Variants in SPAG16 observed in about 807,000 individuals in gnomAD.
SPAG16 encodes sperm associated antigen 16, also known as sperm-associated antigen 16 protein.
In SPAG16, 86 loss-of-function variants were observed where a neutral mutation model predicts 80.4. The observed-to-expected ratio is 1.07, with a 90% CI of 0.90 to 1.28. The LOEUF (loss-of-function observed/expected upper bound fraction) is 1.28, where lower values mean the gene tolerates loss of function less well. Among genes scored for constraint, SPAG16 ranks in the 50% most tolerant of loss-of-function variants. SPAG16 has a pLI of 0.00. For missense variants in SPAG16, 870 were observed against 765.3 expected (o/e 1.14, Z -1.61); for synonymous variants, 294 against 265.9 (o/e 1.11, Z -1.03).
chr2:213,572,486 A>C (rs1258871691), intron 10 of SPAG16, among the ~76,000 whole-genome samples: 1 of 149,876 alleles, frequency 6.7e-6, no homozygotes, highest in Admixed American at 6.7e-5. Flanking sequence ...GGTCTGTTGG[A>C]GTACCCTGCC....
intron 13 of SPAG16, among the ~76,000 whole-genome samples, chr2:214,044,977 G>A (rs1340573961): frequency 6.6e-6 from 1 of 152,142 alleles, no homozygotes; most frequent in Non-Finnish European, 1.5e-5. Context: ...CAGGACTGCA[G>A]CACCTAGGCA....
At chr2:213,292,695 C>CAAG (rs2062341430) in intron 1 of SPAG16, among the ~76,000 whole-genome samples, 1 of 135,976 alleles carries the variant, frequency 7.4e-6, no homozygotes, top group Admixed American at 7.0e-5. Context: ...CAAAAAAAAA[C>CAAG]AAAACTATCA....
chr2:213,481,970 G>C (rs1223212169), intron 9 of SPAG16, among the ~76,000 whole-genome samples: 1 of 152,198 alleles, frequency 6.6e-6, no homozygotes, highest in Non-Finnish European at 1.5e-5. Flanking sequence ...ATTACAGACA[G>C]TAATAGGATA....
chr2:213,528,569 AC>A (rs2075966020), intron 10 of SPAG16, among the ~76,000 whole-genome samples: 2 of 152,206 alleles, frequency 1.3e-5, no homozygotes, highest in South Asian at 4.1e-4. Context: ...TACGTGTAAA[AC>A]CAGAAGTGAC....
intron 15 of SPAG16, among the ~76,000 whole-genome samples, chr2:214,172,235 T>C (rs2056895341): frequency 6.6e-6 from 1 of 151,978 alleles, no homozygotes; most frequent in Non-Finnish European, 1.5e-5. Context: ...CCTAATGCTA[T>C]CCCTCCCCAC....
At chr2:213,858,555 A>G (rs190290110) in intron 10 of SPAG16, among the ~76,000 whole-genome samples, 63 of 152,334 alleles carry the variant, frequency 4.1e-4, no homozygotes, top group Middle Eastern at 3.4e-3. Context: ...CAAAAAGTTT[A>G]TATGATTTGC....
intron 10 of SPAG16, among the ~76,000 whole-genome samples, chr2:213,499,210 C>T (rs2074631110): frequency 6.6e-6 from 1 of 152,038 alleles, no homozygotes; most frequent in South Asian, 2.1e-4. Flanking sequence ...CTGTTACCTC[C>T]TTTTTCCACT....
intron 10 of SPAG16, among the ~76,000 whole-genome samples, chr2:213,744,108 C>A (rs1053905341): frequency 1.9e-4 from 29 of 152,190 alleles, no homozygotes; most frequent in Admixed American, 1.8e-3. Context: ...CCTCCCAGAG[C>A]ACTCCCTATA....
At chr2:213,408,072 G>A (rs887232824) in intron 9 of SPAG16, among the ~76,000 whole-genome samples, 2 of 151,410 alleles carry the variant, frequency 1.3e-5, no homozygotes, top group African/African-American at 4.9e-5. Context: ...AGAGGCAGGA[G>A]AGAGAGAAAG....
intron 5 of SPAG16, among the ~76,000 whole-genome samples, chr2:213,339,289 G>A (rs1171650356): frequency 6.6e-6 from 1 of 152,176 alleles, no homozygotes; most frequent in African/African-American, 2.4e-5. Flanking sequence ...TTGTGACCCA[G>A]AGAAGTAGAT....
At chr2:213,477,811 G>A (rs1291490128) in intron 9 of SPAG16, among the ~76,000 whole-genome samples, 2 of 152,162 alleles carry the variant, frequency 1.3e-5, no homozygotes, top group African/African-American at 2.4e-5. Flanking sequence ...CTGTGGGAAG[G>A]TATCATTGGT....
chr2:214,360,775 C>T (rs1464346620), intron 15 of SPAG16, among the ~76,000 whole-genome samples: 1 of 151,724 alleles, frequency 6.6e-6, no homozygotes, highest in Non-Finnish European at 1.5e-5. Flanking sequence ...TAGCTGGAGG[C>T]AAGGCTTACA....
At chr2:213,303,134 A>G (rs1445165844) in intron 3 of SPAG16, among the ~76,000 whole-genome samples, 1 of 152,084 alleles carries the variant, frequency 6.6e-6, no homozygotes, top group Non-Finnish European at 1.5e-5. Context: ...CACACTGCAA[A>G]GACTTGAAGG....
intron 14 of SPAG16, among the ~76,000 whole-genome samples, chr2:214,122,229 T>C (rs1473571676): frequency 2.6e-5 from 4 of 151,834 alleles, no homozygotes; most frequent in Non-Finnish European, 5.9e-5. Context: ...TGTAACTGTA[T>C]GAAACCTGAG....
At chr2:213,443,224 A>T (rs915583172) in intron 9 of SPAG16, among the ~76,000 whole-genome samples, 2 of 152,152 alleles carry the variant, frequency 1.3e-5, no homozygotes, top group African/African-American at 2.4e-5. Context: ...AATATTATTG[A>T]TTATAGTCCT....
chr2:213,857,033 C>T (rs151310135), intron 10 of SPAG16, among the ~76,000 whole-genome samples: 2 of 152,094 alleles, frequency 1.3e-5, no homozygotes, highest in Non-Finnish European at 2.9e-5. Flanking sequence ...AATTAGAGAC[C>T]AGCCTGGCCA....
chr2:214,246,800 A>G (rs1689881028), intron 15 of SPAG16, among the ~76,000 whole-genome samples: 1 of 152,194 alleles, frequency 6.6e-6, no homozygotes, highest in Non-Finnish European at 1.5e-5. Flanking sequence ...AGATATTTTT[A>G]ATGCAGTATA....
intron 15 of SPAG16, among the ~76,000 whole-genome samples, chr2:214,260,257 C>T (rs1445657141): frequency 1.3e-5 from 2 of 152,036 alleles, no homozygotes; most frequent in African/African-American, 4.8e-5. Context: ...TTTCGGAAAT[C>T]ATCACTAAAT....
intron 5 of SPAG16, among the ~76,000 whole-genome samples, chr2:213,327,930 A>G (rs1475674319): frequency 6.6e-6 from 1 of 152,188 alleles, no homozygotes. Flanking sequence ...GCTATGTGCA[A>G]GACTATGTAA....
Sources: gnomAD v4.1 joint callset for allele counts (sites outside exome capture counted in the v4.1 genomes callset) on GRCh38, gnomAD v4.1.1 for gene constraint, MANE v1.5 for transcripts, NCBI Gene and HGNC (gene_info 2026-07-23, HGNC 2026-07-21) for gene names.